PHF24: variants seen among roughly 807,000 people sequenced by gnomAD.
The protein encoded by PHF24 is PHD finger protein 24, also known as Galpha inhibitory interacting protein.
In PHF24, 25 loss-of-function variants were observed where a neutral mutation model predicts 42.6. The observed-to-expected ratio is 0.59, with a 90% CI of 0.43 to 0.82. The LOEUF is 0.82. Ranked by LOEUF, PHF24 falls within the 40% of genes least tolerant of loss-of-function variation. PHF24 has a pLI of 0.00. For missense variants in PHF24, 470 were observed against 538.1 expected (o/e 0.87, Z 1.25); for synonymous variants, 185 against 204.8 (o/e 0.90, Z 0.83).
the PHF24 span, among the ~76,000 whole-genome samples, chr9:34,752,951 T>C: frequency 6.6e-6 from 1 of 152,158 alleles, no homozygotes; most frequent in Non-Finnish European, 1.5e-5. Context: ...ATCATTTCAA[T>C]TAATGATAAG....
chr9:34,891,729 A>G, the PHF24 span, among the ~76,000 whole-genome samples: 1 of 152,174 alleles, frequency 6.6e-6, no homozygotes, highest in African/African-American at 2.4e-5. Flanking sequence ...GGACTTCCCC[A>G]ATCAAAGAGT....
At chr9:34,765,745 G>T in the PHF24 span, among the ~76,000 whole-genome samples, 2 of 152,164 alleles carry the variant, frequency 1.3e-5, no homozygotes, top group East Asian at 3.8e-4. Context: ...CTGTTGTTAT[G>T]ATGTTAGCTG....
At chr9:34,667,446 C>T in the PHF24 span, among the ~76,000 whole-genome samples, 1 of 152,208 alleles carries the variant, frequency 6.6e-6, no homozygotes, top group South Asian at 2.1e-4. Context: ...GCTATGCTTT[C>T]ACCACGTTCA....
chr9:34,718,286 C>T, the PHF24 span, among the ~76,000 whole-genome samples: 3 of 152,086 alleles, frequency 2.0e-5, no homozygotes, highest in Non-Finnish European at 2.9e-5. Context: ...CAGCACTCAC[C>T]CCTCCTTCTG....
chr9:34,913,252 G>T, the PHF24 span, among the ~76,000 whole-genome samples: 1 of 152,142 alleles, frequency 6.6e-6, no homozygotes, highest in African/African-American at 2.4e-5. Flanking sequence ...AGGAGAAAAA[G>T]ATTGGTGTAG....
the PHF24 span, among the ~76,000 whole-genome samples, chr9:34,889,976 A>G: frequency 1.3e-5 from 2 of 152,270 alleles, no homozygotes; most frequent in East Asian, 1.9e-4. Context: ...TTTTGCCCCA[A>G]GTAATCCTGG....
the PHF24 span, among the ~76,000 whole-genome samples, chr9:34,710,604 A>T: frequency 6.6e-6 from 1 of 150,398 alleles, no homozygotes; most frequent in East Asian, 2.0e-4. Context: ...AGGAGCTGGG[A>T]CTACAGGCAA....
At chr9:34,875,950 A>ACTCTCTCTCTCTCTCTCTCT in the PHF24 span, among the ~76,000 whole-genome samples, 78 of 78,732 alleles carry the variant, frequency 9.9e-4, no homozygotes, top group African/African-American at 3.2e-3. Context: ...ACACACACAC[A>ACTCTCTCTCTCTCTCTCTCT]CTCTCTCTCT....
At chr9:34,700,978 A>C in the PHF24 span, among the ~76,000 whole-genome samples, 1 of 152,088 alleles carries the variant, frequency 6.6e-6, no homozygotes, top group East Asian at 1.9e-4. Context: ...AGGTGTTTGA[A>C]ACAGTTTCTG....
chr9:34,978,089 T>C, exon 8 of PHF24: 1 of 1,613,996 alleles, frequency 6.2e-7, no homozygotes, highest in African/African-American at 1.3e-5. Flanking sequence ...AGCGCAGCCA[T>C]TCACCTGAAG....
chr9:34,709,737 C>T, the PHF24 span: 1 of 1,613,624 alleles, frequency 6.2e-7, no homozygotes, highest in Non-Finnish European at 8.5e-7. Context: ...CCCTCCCCAC[C>T]CCGTCACCAG....
At chr9:34,706,648 A>G in the PHF24 span, among the ~76,000 whole-genome samples, 1 of 152,236 alleles carries the variant, frequency 6.6e-6, no homozygotes, top group South Asian at 2.1e-4. Flanking sequence ...TACTCAGAGC[A>G]GGGCTTGAGG....
the PHF24 span, among the ~76,000 whole-genome samples, chr9:34,937,287 C>T: frequency 6.6e-6 from 1 of 152,152 alleles, no homozygotes; most frequent in Non-Finnish European, 1.5e-5. Flanking sequence ...GGAGACTTTT[C>T]ATTTTGTTCT....
At chr9:34,699,054 G>A in the PHF24 span, among the ~76,000 whole-genome samples, 1,455 of 152,348 alleles carry the variant, frequency 9.6e-3, 16 homozygotes, top group Non-Finnish European at 0.017. Context: ...CAGTGACAAC[G>A]TGACCTAAGG....
chr9:34,858,420 C>T, the PHF24 span, among the ~76,000 whole-genome samples: 3 of 152,198 alleles, frequency 2.0e-5, no homozygotes, highest in Admixed American at 2.0e-4. Flanking sequence ...GTCCTAGAGC[C>T]TGGGTCCATG....
Position 34,977,912 on chromosome 9 carries a change from C to T in PHF24, c.1107-103C>T, listed in dbSNP as rs959609195. The T allele has an allele frequency of 1.1e-5, 10 of 900,534 alleles. No individual in the cohort carries two copies. The African/African-American group carries it at 1.1e-4, about 10-fold the overall frequency. The allele number at this position is 900,534 out of a possible 1,614,324, so 55.8% of individuals were successfully genotyped here. ...CCATGCTGCCCCTGGGATCAGGGCTCACGCGTCTTCAAACCAGCCTCCTCA... is the reference window on the plus strand; with the variant it reads ...CCATGCTGCCCCTGGGATCAGGGCTTACGCGTCTTCAAACCAGCCTCCTCA... On this transcript the variant is annotated intron_variant, in intron 7 of 7. Coordinates refer to ENST00000242315, the Ensembl canonical transcript of PHF24.
chr9:34,856,430 T>C, the PHF24 span, among the ~76,000 whole-genome samples: 3 of 152,228 alleles, frequency 2.0e-5, no homozygotes, highest in Non-Finnish European at 4.4e-5. Context: ...GTCTTTGAGT[T>C]TGCTGACCTT....
chr9:34,894,342 C>T, the PHF24 span: 1 of 397,528 alleles, frequency 2.5e-6, no homozygotes, highest in Non-Finnish European at 4.4e-6. Flanking sequence ...TGTCTCCCTC[C>T]CATCCATTTT....
the PHF24 span, among the ~76,000 whole-genome samples, chr9:34,730,717 A>G: frequency 6.6e-6 from 1 of 152,202 alleles, no homozygotes; most frequent in Non-Finnish European, 1.5e-5. Context: ...GAGAAATCAT[A>G]GTGAGGATCA....
Sources: gnomAD v4.1 joint callset for allele counts (sites outside exome capture counted in the v4.1 genomes callset) on GRCh38, gnomAD v4.1.1 for gene constraint, MANE v1.5 for transcripts, NCBI Gene and HGNC (gene_info 2026-07-23, HGNC 2026-07-21) for gene names.